Variants in ENPP2 observed in about 807,000 individuals in gnomAD.
ENPP2 encodes the protein autotaxin.
Under a neutral mutation model 120.2 loss-of-function variants are expected in ENPP2, and 51 were observed. The ratio of observed to expected loss-of-function variants is 0.42; its 90% CI spans 0.34 to 0.54. ENPP2 has a LOEUF of 0.54. Among genes scored for constraint, ENPP2 ranks in the 20% least tolerant of loss-of-function variants. The pLI is 0.04. For synonymous variants in ENPP2, 365 were observed against 366.4 expected, an observed-to-expected ratio of 1.00 and a Z score of 0.04; for missense variants, 920 against 1,066.5, an observed-to-expected ratio of 0.86 and a Z score of 1.91.
At chr8:119,572,015 T>A (rs1055102786) in intron 19 of ENPP2, 1 of 571,514 alleles carries the variant, frequency 1.7e-6, no homozygotes, top group Non-Finnish European at 3.1e-6. Flanking sequence ...AAGCCTTAGT[T>A]AAGCTGCCAA....
intron 9 of ENPP2, among the ~76,000 whole-genome samples, chr8:119,605,273 T>C (rs1421000352): frequency 1.3e-5 from 2 of 152,000 alleles, no homozygotes; most frequent in African/African-American, 2.4e-5. Flanking sequence ...GGTTTTGCCA[T>C]GTTGCCCAGC....
chr8:119,638,731 T>C lies in ENPP2; in HGVS notation c.33+17A>G, dbSNP rs777130044. On this transcript the variant is annotated intron_variant, in intron 1 of 24. Transcript: ENST00000075322. ...TGAAGATCAAGCATGTCCCCCGTCA[T>C]TCCTCCGTTCTCCCACCTGACACGA... 1.4e-6 allele frequency: 2 copies of C among 1,447,802 alleles called. No homozygotes were observed. The highest frequency in any genetic ancestry group is 1.1e-5 in the South Asian group (1 of 87,822). The allele number at this position is 1,447,802 out of a possible 1,614,324, so 89.7% of individuals were successfully genotyped here.
chr8:119,568,013 C>T (rs897710718), intron 22 of ENPP2, among the ~76,000 whole-genome samples, 162 bp downstream of exon 22: 2 of 152,010 alleles, frequency 1.3e-5, no homozygotes, highest in African/African-American at 4.8e-5. Flanking sequence ...TCAAAGTTTA[C>T]ATCAATGTAG....
At chr8:119,657,958 C>T (rs1314002769) in intron 1 of ENPP2, among the ~76,000 whole-genome samples, 1 of 152,172 alleles carries the variant, frequency 6.6e-6, no homozygotes, top group East Asian at 1.9e-4. Flanking sequence ...CGTGGCTCAT[C>T]CATAGTAAAT....
At chr8:119,627,660 G>A (rs1304627849) in intron 2 of ENPP2, among the ~76,000 whole-genome samples, 1 of 151,802 alleles carries the variant, frequency 6.6e-6, no homozygotes, top group Non-Finnish European at 1.5e-5. Flanking sequence ...TCAGGAGTTC[G>A]AGACCAGCCT....
intron 4 of ENPP2, 54 bp downstream of exon 4, chr8:119,621,340 G>A: frequency 3.8e-6 from 6 of 1,572,570 alleles, no homozygotes; most frequent in Non-Finnish European, 5.2e-6. Flanking sequence ...ATCTCCTGGA[G>A]CACCTCCAGT....
At chr8:119,661,888 G>A (rs879297382) in intron 1 of ENPP2, among the ~76,000 whole-genome samples, 1 of 152,066 alleles carries the variant, frequency 6.6e-6, no homozygotes, top group Non-Finnish European at 1.5e-5. Context: ...TGAACCTGGA[G>A]GTCATGATAC....
chr8:119,617,682 C>T (rs1815564998), intron 5 of ENPP2, 119 bp from the exon 6 acceptor site: 2 of 708,552 alleles, frequency 2.8e-6, no homozygotes, highest in Admixed American at 2.3e-5. Context: ...GGCGTGATGG[C>T]TTACGCTTAT....
chr8:119,605,656 C>T (rs1247172822), intron 9 of ENPP2, among the ~76,000 whole-genome samples: 1 of 148,218 alleles, frequency 6.7e-6, no homozygotes, highest in African/African-American at 2.5e-5. Context: ...TTAGGAGAGA[C>T]GAGGGTTCTC....
chr8:119,646,097 T>A (rs1264869394), intron 1 of ENPP2, among the ~76,000 whole-genome samples: 3 of 151,894 alleles, frequency 2.0e-5, no homozygotes, highest in African/African-American at 7.3e-5. Flanking sequence ...GCCTCTCAAG[T>A]AGCTGGGATT....
At chr8:119,655,317 T>C (rs1270775402) in intron 1 of ENPP2, among the ~76,000 whole-genome samples, 3 of 152,160 alleles carry the variant, frequency 2.0e-5, no homozygotes, top group Non-Finnish European at 4.4e-5. Flanking sequence ...TGAAATACAA[T>C]TACCTCAGAT....
At chr8:119,629,236 C>G (rs1443715525) in intron 2 of ENPP2, among the ~76,000 whole-genome samples, 1 of 151,158 alleles carries the variant, frequency 6.6e-6, no homozygotes, top group Non-Finnish European at 1.5e-5. Flanking sequence ...AAAATATATA[C>G]CATATAATAT....
chr8:119,669,189 T>G, intron 1 of ENPP2, among the ~76,000 whole-genome samples: 1 of 152,178 alleles, frequency 6.6e-6, no homozygotes, highest in East Asian at 1.9e-4. Flanking sequence ...CATTCACATG[T>G]CAATCCATCT....
At chr8:119,664,746 AC>A (rs1369473333) in intron 1 of ENPP2, among the ~76,000 whole-genome samples, 1 of 152,050 alleles carries the variant, frequency 6.6e-6, no homozygotes, top group Non-Finnish European at 1.5e-5. Flanking sequence ...TTCAAGACCA[AC>A]CTGGCCAACA....
intron 9 of ENPP2, among the ~76,000 whole-genome samples, chr8:119,603,806 C>T (rs1814486484): frequency 6.6e-6 from 1 of 151,906 alleles, no homozygotes; most frequent in Non-Finnish European, 1.5e-5. Context: ...TAAAGATATT[C>T]CTACCAAAAA....
rs755444778 is a variant in ENPP2 at position 119,570,848 on chromosome 8, A to C, written c.1781-7T>G. 2.6e-6 allele frequency: 4 copies of C among 1,536,876 alleles called. No individual in the cohort carries two copies. Among genetic ancestry groups the C allele is most frequent in the Admixed American group, 2.4e-5 (1 of 42,418 alleles). ...CCATAGAGGAGGTGTCTCTCTAAAAAAGAAAAAAAATAAACTGTGTTAGGT... is the reference window on the plus strand; with the variant it reads ...CCATAGAGGAGGTGTCTCTCTAAAACAGAAAAAAAATAAACTGTGTTAGGT... On this transcript the variant is annotated splice_polypyrimidine_tract_variant and splice_region_variant and intron_variant, in intron 19 of 24. Transcript: ENST00000075322.
chr8:119,661,353 A>G lies in ENPP2; in HGVS notation c.21+11899T>C, dbSNP rs538251063. On this transcript the variant is annotated intron_variant, in intron 1 of 25. Coordinates refer to the ENPP2 transcript ENST00000427067. ...TAAAATAAAAAATAATGGTTGAAGA[A>G]CCTGAATAGACATTTCTCAAAAGAA... Among the ~76,000 whole-genome samples the G allele has an allele frequency of 1.6e-4, 25 of 152,292 alleles. 1 individual carries two copies. Among genetic ancestry groups the G allele is most frequent in the Admixed American group, 1.4e-3 (21 of 15,294 alleles).
At chr8:119,604,968 T>C (rs1814595511) in intron 9 of ENPP2, among the ~76,000 whole-genome samples, 1 of 151,650 alleles carries the variant, frequency 6.6e-6, no homozygotes, top group Non-Finnish European at 1.5e-5. Context: ...AGAGAGGGGG[T>C]TTCACCGTGT....
At chr8:119,673,304 G>A in exon 1 of ENPP2, 1 of 1,534,860 alleles carries the variant, frequency 6.5e-7, no homozygotes, top group Non-Finnish European at 8.7e-7. Context: ...GTTCCTGCCC[G>A]GGCGCTGCGG....
Sources: gnomAD v4.1 joint callset for allele counts (sites outside exome capture counted in the v4.1 genomes callset) on GRCh38, gnomAD v4.1.1 for gene constraint, MANE v1.5 for transcripts, NCBI Gene and HGNC (gene_info 2026-07-23, HGNC 2026-07-21) for gene names.